Variants in NCKAP5 observed in about 807,000 individuals in gnomAD.
NCKAP5 encodes the protein NCK associated protein 5.
In NCKAP5, 92 loss-of-function variants were observed where a neutral mutation model predicts 167.0. The ratio of observed to expected loss-of-function variants is 0.55; its 90% CI spans 0.47 to 0.66. The LOEUF is 0.66. NCKAP5 is among the 30% of genes least tolerant of loss of function. The pLI is 0.00. For missense variants in NCKAP5, 2,378 were observed against 2,315.0 expected (o/e 1.03, Z -0.56); for synonymous variants, 891 against 877.4 (o/e 1.02, Z -0.27).
At chr2:133,527,796 G>A (rs1440250851) in intron 2 of NCKAP5, among the ~76,000 whole-genome samples, 1 of 152,036 alleles carries the variant, frequency 6.6e-6, no homozygotes, top group African/African-American at 2.4e-5. Flanking sequence ...CAGGTTCGGT[G>A]GTTCATACCT....
Position 132,936,130 on chromosome 2 carries a change from C to T in NCKAP5, c.579+27590G>A, listed in dbSNP as rs1210523728. On this transcript the variant is annotated intron_variant, in intron 8 of 19. Coordinates refer to ENST00000409261, the MANE Select transcript of NCKAP5 (RefSeq NM_207363.3). ...CCAAGTAACTGGGATTACAGGCGCT[C>T]GCCACCATGCCCGGCTAATTTTTGT... Among the ~76,000 whole-genome samples the T allele has an allele frequency of 3.3e-5, 5 of 151,892 alleles. No homozygotes were observed. In the East Asian group the frequency reaches 7.8e-4, roughly 24 times the overall value.
Position 133,038,776 on chromosome 2 carries a change from T to C in NCKAP5, c.342-44537A>G, listed in dbSNP as rs187375827. Among the ~76,000 whole-genome samples, 315 of 151,642 alleles carry C rather than the reference T, an allele frequency of 2.1e-3. 4 individuals carry two copies. The highest frequency in any genetic ancestry group is 7.3e-3 in the African/African-American group (300 of 41,336). On this transcript the variant is annotated intron_variant, in intron 6 of 19. Coordinates refer to ENST00000409261, the MANE Select transcript of NCKAP5 (RefSeq NM_207363.3). ...ATACCTACTATGTACCCAGAAAAAT[T>C]AAAAAAAATAAATAAAATCAAAGGT...
In NCKAP5 at chr2:133,013,326, G is replaced by A. The variant is rs1013280431; in HGVS notation, c.342-19087C>T. On this transcript the variant is annotated intron_variant, in intron 6 of 19. Transcript: ENST00000409261. Reference sequence around the variant, plus strand: ...TCCACCTTTGGTAGTGTATTAGTCCGTTTTCACACTGGTGATAAAGACATG... The same window carrying A: ...TCCACCTTTGGTAGTGTATTAGTCCATTTTCACACTGGTGATAAAGACATG... Among the ~76,000 whole-genome samples, 12 of 152,108 alleles carry A rather than the reference G, an allele frequency of 7.9e-5. No homozygotes were observed. The East Asian group carries it at 9.6e-4, about 12-fold the overall frequency.
chr2:132,868,138 T>C (rs1379628293), intron 10 of NCKAP5, among the ~76,000 whole-genome samples: 1 of 152,186 alleles, frequency 6.6e-6, no homozygotes, highest in Non-Finnish European at 1.5e-5. Context: ...ATCCTGAATA[T>C]GCTGCAGGAT....
At position 132,785,129 on chromosome 2, in the gene NCKAP5, C is replaced by A. The variant is rs371927704; in HGVS notation, c.1682G>T (p.Arg561Met). Residue 561 changes from arginine (R) to methionine (M), a missense_variant, in exon 14 of 20, where the codon AGG becomes ATG. This residue lies in a region of NCKAP5 where 1,049 missense variants were observed against 1,023.4 expected (regional missense o/e 1.02). Transcript: ENST00000409261. The part of the protein sequence containing the change: ...CPSVQTPQVQ[R>M]ERGPQGQGHG... Reference sequence around the variant, plus strand: ...GCCTTGGCCCTGTGGGCCCCTCTCCCTCTGTACCTGAGGCGTCTGCACACT... The same window carrying A: ...GCCTTGGCCCTGTGGGCCCCTCTCCATCTGTACCTGAGGCGTCTGCACACT... 5 of 1,613,166 alleles carry A rather than the reference C, an allele frequency of 3.1e-6. No homozygotes were observed. The highest frequency in any genetic ancestry group is 2.7e-5 in the African/African-American group (2 of 74,894).
chr2:133,358,160 T>C (rs1684864144), intron 3 of NCKAP5, among the ~76,000 whole-genome samples: 1 of 152,246 alleles, frequency 6.6e-6, no homozygotes, highest in Non-Finnish European at 1.5e-5. Flanking sequence ...ACATTGAAAT[T>C]AACCAGTTAC....
At chr2:133,321,610 T>G (rs2150675728) in intron 3 of NCKAP5, among the ~76,000 whole-genome samples, 1 of 152,288 alleles carries the variant, frequency 6.6e-6, no homozygotes, top group South Asian at 2.1e-4. Context: ...TCAGACATGG[T>G]AGAAATGTTT....
intron 7 of NCKAP5, among the ~76,000 whole-genome samples, chr2:132,973,910 G>A (rs1372917814): frequency 1.3e-5 from 2 of 152,074 alleles, no homozygotes; most frequent in South Asian, 2.1e-4. Flanking sequence ...ATTTGCTTAT[G>A]GGAAAATAGT....
At chr2:133,011,577 T>A (rs1335329492) in intron 6 of NCKAP5, among the ~76,000 whole-genome samples, 1 of 152,212 alleles carries the variant, frequency 6.6e-6, no homozygotes, top group East Asian at 1.9e-4. Flanking sequence ...AGAAACTGAT[T>A]AGTGAAGTTG....
intron 4 of NCKAP5, among the ~76,000 whole-genome samples, chr2:133,224,944 T>C (rs1048180394): frequency 6.6e-6 from 1 of 152,274 alleles, no homozygotes; most frequent in Middle Eastern, 3.4e-3. Flanking sequence ...GTGGAAAATC[T>C]AGGTTTCTGA....
intron 19 of NCKAP5, among the ~76,000 whole-genome samples, chr2:132,716,432 G>T (rs769494374): frequency 2.6e-5 from 4 of 152,152 alleles, no homozygotes; most frequent in African/African-American, 4.8e-5. Flanking sequence ...AGCCCTGGCG[G>T]CCAAAGCCTG....
intron 8 of NCKAP5, among the ~76,000 whole-genome samples, chr2:132,895,649 G>T (rs1183295742): frequency 6.6e-6 from 1 of 151,974 alleles, no homozygotes; most frequent in Non-Finnish European, 1.5e-5. Context: ...ATTACTATGT[G>T]CTACACTCTG....
At chr2:133,484,476 T>G (rs1161915666) in intron 3 of NCKAP5, among the ~76,000 whole-genome samples, 2 of 152,156 alleles carry the variant, frequency 1.3e-5, no homozygotes, top group African/African-American at 4.8e-5. Context: ...CCTTTCTAAT[T>G]TATTCCCTAG....
At chr2:133,400,570 C>T (rs541628103) in intron 3 of NCKAP5, among the ~76,000 whole-genome samples, 110 of 152,204 alleles carry the variant, frequency 7.2e-4, no homozygotes, top group African/African-American at 2.6e-3. Context: ...ATGTATGAGC[C>T]ACCAGAAGGA....
chr2:133,219,613 C>T (rs966593068), intron 4 of NCKAP5, among the ~76,000 whole-genome samples: 4 of 151,858 alleles, frequency 2.6e-5, no homozygotes, highest in Non-Finnish European at 5.9e-5. Flanking sequence ...GTTTCCAATG[C>T]TAAAACACAA....
the NCKAP5 span, among the ~76,000 whole-genome samples, chr2:133,599,806 G>C: frequency 3.9e-5 from 6 of 152,212 alleles, no homozygotes; most frequent in Non-Finnish European, 8.8e-5. Context: ...GTCCGCCTGG[G>C]AACCCTGTCT....
At chr2:133,537,681 T>C (rs778739529) in intron 2 of NCKAP5, among the ~76,000 whole-genome samples, 1 of 152,182 alleles carries the variant, frequency 6.6e-6, no homozygotes, top group South Asian at 2.1e-4. Context: ...TGTTCTTTGC[T>C]TTAAAAGATG....
chr2:132,741,928 G>A (rs947342552), intron 16 of NCKAP5, among the ~76,000 whole-genome samples: 6 of 152,156 alleles, frequency 3.9e-5, no homozygotes, highest in African/African-American at 1.4e-4. Flanking sequence ...GCGTATGCAA[G>A]GCATTTTAAA....
At chr2:132,940,379 T>C (rs1006521964) in intron 8 of NCKAP5, among the ~76,000 whole-genome samples, 1 of 152,162 alleles carries the variant, frequency 6.6e-6, no homozygotes, top group Non-Finnish European at 1.5e-5. Context: ...CACTGGGCCC[T>C]AGCTGTGATC....
Sources: allele counts gnomAD v4.1 joint callset (sites outside exome capture counted in the v4.1 genomes callset), GRCh38; gene constraint gnomAD v4.1.1; regional missense constraint gnomAD v4.1.1; transcripts MANE v1.5; gene names NCBI Gene and HGNC (gene_info 2026-07-23, HGNC 2026-07-21).